Variants in RPS6KC1 observed in about 807,000 individuals in gnomAD.
RPS6KC1 encodes ribosomal protein S6 kinase C1.
RPS6KC1 carries 54 observed loss-of-function variants against 103.8 expected under a neutral mutation model. The observed-to-expected ratio is 0.52, with a 90% confidence interval of 0.42 to 0.65. The LOEUF (loss-of-function observed/expected upper bound fraction) is 0.65, where lower values mean the gene tolerates loss of function less well. Among genes scored for constraint, RPS6KC1 ranks in the 30% least tolerant of loss-of-function variants. The pLI is 0.00. For missense variants in RPS6KC1, 1,151 were observed against 1,253.8 expected (o/e 0.92, Z 1.24); for synonymous variants, 439 against 438.7 (o/e 1.00, Z -0.01).
intron 8 of RPS6KC1, among the ~76,000 whole-genome samples, chr1:213,209,787 C>T (rs1044753829): frequency 1.4e-5 from 2 of 147,508 alleles, no homozygotes; most frequent in South Asian, 2.2e-4. Flanking sequence ...GGATACTTAA[C>T]GGTTATTTCT....
At chr1:213,173,440 G>A (rs1296057215) in intron 7 of RPS6KC1, among the ~76,000 whole-genome samples, 1 of 152,092 alleles carries the variant, frequency 6.6e-6, no homozygotes, top group Non-Finnish European at 1.5e-5. Context: ...TCTAGACTTC[G>A]GAGACTGTAT....
At position 213,272,770 on chromosome 1, in the gene RPS6KC1, G is replaced by A. The variant is rs2095075086; in HGVS notation, c.*136G>A. The A allele has an allele frequency of 1.1e-5, 7 of 630,532 alleles. No homozygotes were observed. The highest frequency in any genetic ancestry group is 2.0e-5 in the Non-Finnish European group (7 of 352,786). The allele number at this position is 630,532 out of a possible 1,614,324, so 39.1% of individuals were successfully genotyped here. On this transcript the variant is annotated 3_prime_UTR_variant, in exon 15 of 15. Coordinates refer to ENST00000366960, the MANE Select transcript of RPS6KC1 (RefSeq NM_012424.6). ...AAAGACCGTTATAGGAAATGGGGGG[G>A]AAATGGCTAAAAGAGAACAATTCGT...
chr1:213,494,765 T>C, the RPS6KC1 span, among the ~76,000 whole-genome samples: 334 of 152,002 alleles, frequency 2.2e-3, no homozygotes, highest in African/African-American at 7.7e-3. Flanking sequence ...TGTATAAATA[T>C]GTGATAAAAT....
At chr1:213,677,394 G>C in the RPS6KC1 span, among the ~76,000 whole-genome samples, 1 of 152,174 alleles carries the variant, frequency 6.6e-6, no homozygotes, top group African/African-American at 2.4e-5. Flanking sequence ...AGATAGACTA[G>C]AGTTGAACCC....
intron 12 of RPS6KC1, among the ~76,000 whole-genome samples, chr1:213,243,402 G>A (rs750982208): frequency 1.3e-5 from 2 of 152,214 alleles, no homozygotes; most frequent in Middle Eastern, 3.4e-3. Context: ...TTGCAGGCAT[G>A]AGCCCATGGT....
chr1:213,799,907 G>A, the RPS6KC1 span, among the ~76,000 whole-genome samples: 1 of 152,002 alleles, frequency 6.6e-6, no homozygotes. Context: ...TCAAAGTTCT[G>A]GGAATTAAGG....
the RPS6KC1 span, among the ~76,000 whole-genome samples, chr1:213,701,075 G>A: frequency 5.3e-5 from 8 of 152,112 alleles, 2 homozygotes; most frequent in East Asian, 1.5e-3. Context: ...ACTCTAGCTA[G>A]GACTTCCAGT....
chr1:213,734,928 TG>T, the RPS6KC1 span, among the ~76,000 whole-genome samples: 5 of 151,632 alleles, frequency 3.3e-5, no homozygotes, highest in African/African-American at 1.2e-4. Context: ...TGTTGTTGTT[TG>T]TTGTTGTTGT....
At chr1:213,190,942 A>C (rs1248863809) in intron 8 of RPS6KC1, among the ~76,000 whole-genome samples, 2 of 152,198 alleles carry the variant, frequency 1.3e-5, no homozygotes, top group African/African-American at 4.8e-5. Flanking sequence ...CCTTTTGTCA[A>C]AAATAAGTTC....
chr1:213,645,580 G>A, the RPS6KC1 span, among the ~76,000 whole-genome samples: 92 of 152,252 alleles, frequency 6.0e-4, 2 homozygotes, highest in South Asian at 0.017. Context: ...CTTGTCCTGG[G>A]TAGGGTCTGT....
chr1:213,646,895 A>ATTT, the RPS6KC1 span, among the ~76,000 whole-genome samples: 28 of 148,820 alleles, frequency 1.9e-4, no homozygotes, highest in African/African-American at 7.2e-4. Flanking sequence ...ATATATATAT[A>ATTT]TATTTTTGTT....
chr1:213,257,986 T>G lies in RPS6KC1; in HGVS notation c.2912-3572T>G, dbSNP rs2094691980. On this transcript the variant is annotated intron_variant, in intron 12 of 14. Coordinates refer to ENST00000366960, the MANE Select transcript of RPS6KC1 (RefSeq NM_012424.6). ...ACCTGGCTAATTTTTGTATTTTTATTTTTTATTTTTTTTGAGATGGAGTCT... is the reference window on the plus strand; with the variant it reads ...ACCTGGCTAATTTTTGTATTTTTATGTTTTATTTTTTTTGAGATGGAGTCT... Among the ~76,000 whole-genome samples the G allele has an allele frequency of 2.0e-5, 3 of 151,580 alleles. No homozygotes were observed. In the South Asian group the frequency reaches 6.3e-4, roughly 32 times the overall value.
the RPS6KC1 span, among the ~76,000 whole-genome samples, chr1:213,788,643 T>C: frequency 3.3e-5 from 5 of 152,102 alleles, no homozygotes. Context: ...AATGGCTACA[T>C]ATACTCAGGA....
the RPS6KC1 span, among the ~76,000 whole-genome samples, chr1:213,545,793 A>G: frequency 7.6e-4 from 115 of 152,240 alleles, no homozygotes; most frequent in East Asian, 0.021. Context: ...CTCTTTCTCT[A>G]TAATCAACAC....
chr1:213,694,472 C>T, the RPS6KC1 span, among the ~76,000 whole-genome samples: 1 of 152,150 alleles, frequency 6.6e-6, no homozygotes, highest in Non-Finnish European at 1.5e-5. Context: ...TCCTGTAAGC[C>T]CATGGCTGAT....
chr1:213,603,628 G>A, the RPS6KC1 span, among the ~76,000 whole-genome samples: 2 of 151,876 alleles, frequency 1.3e-5, no homozygotes, highest in Admixed American at 6.6e-5. Flanking sequence ...GGGAGTCTGA[G>A]GCAGGTGGAT....
the RPS6KC1 span, among the ~76,000 whole-genome samples, chr1:213,786,194 G>A: frequency 2.0e-5 from 3 of 152,188 alleles, no homozygotes; most frequent in Non-Finnish European, 4.4e-5. Context: ...GGCGGGAGAT[G>A]AGCAGGACTG....
chr1:213,170,024 C>G (rs2091350476), intron 7 of RPS6KC1, among the ~76,000 whole-genome samples: 1 of 152,124 alleles, frequency 6.6e-6, no homozygotes, highest in South Asian at 2.1e-4. Context: ...TCAGGTGATC[C>G]ACCCACTTTT....
intron 8 of RPS6KC1, among the ~76,000 whole-genome samples, chr1:213,208,395 C>T (rs1210636346): frequency 6.6e-6 from 1 of 152,126 alleles, no homozygotes; most frequent in Non-Finnish European, 1.5e-5. Flanking sequence ...TCCTCCTTTG[C>T]CTTTCTCTTT....
Sources: gnomAD v4.1 joint callset for allele counts (sites outside exome capture counted in the v4.1 genomes callset) on GRCh38, gnomAD v4.1.1 for gene constraint, MANE v1.5 for transcripts, NCBI Gene and HGNC (gene_info 2026-07-23, HGNC 2026-07-21) for gene names.